The following SBF2 variants were observed in gnomAD, a reference collection of about 807,000 sequenced individuals.
SBF2 encodes the protein myotubularin-related protein 13.
A neutral mutation model predicts 225.2 loss-of-function variants in SBF2; 112 were observed. The observed-to-expected ratio is 0.50, with a 90% CI of 0.43 to 0.58. The LOEUF is 0.58. Ranked by LOEUF, SBF2 falls within the 20% of genes least tolerant of loss-of-function variation. SBF2 has a pLI of 0.00. For missense variants in SBF2, 1,996 were observed against 2,206.2 expected (o/e 0.90, Z 1.91); for synonymous variants, 763 against 773.3 (o/e 0.99, Z 0.22).
At chr11:10,228,328 G>A (rs918994303) in intron 1 of SBF2, among the ~76,000 whole-genome samples, 7 of 152,230 alleles carry the variant, frequency 4.6e-5, no homozygotes, top group East Asian at 1.9e-4. Context: ...TCTCCTGCCT[G>A]ATTGCCCTGG....
intron 2 of SBF2, among the ~76,000 whole-genome samples, chr11:10,043,183 G>A (rs1949721645): frequency 6.6e-6 from 1 of 152,090 alleles, no homozygotes; most frequent in Non-Finnish European, 1.5e-5. Flanking sequence ...ATTTCATGAA[G>A]ATAGCCTCGA....
At chr11:9,978,232 TTAACTTTATAAAG>T (rs1946786386) in intron 13 of SBF2, among the ~76,000 whole-genome samples, 1 of 152,234 alleles carries the variant, frequency 6.6e-6, no homozygotes, top group Non-Finnish European at 1.5e-5. Context: ...GTTCTGTTTT[TTAACTTTATAAAG>T]TATTTACTTC....
intron 35 of SBF2, 156 bp from the exon 36 acceptor site, chr11:9,787,894 G>GA (rs1852479732): frequency 4.4e-6 from 3 of 680,330 alleles, no homozygotes; most frequent in South Asian, 3.3e-5. Flanking sequence ...TCCCAGCCAG[G>GA]AATAGTGGTG....
chr11:9,933,959 T>C (rs970878814), intron 16 of SBF2, among the ~76,000 whole-genome samples: 20 of 151,532 alleles, frequency 1.3e-4, no homozygotes, highest in African/African-American at 4.6e-4. Flanking sequence ...ACAGATGCAA[T>C]AAAAAAATGC....
intron 1 of SBF2, among the ~76,000 whole-genome samples, chr11:10,225,948 A>G (rs1378523594): frequency 6.6e-6 from 1 of 152,190 alleles, no homozygotes; most frequent in Non-Finnish European, 1.5e-5. Context: ...AAAAATATTC[A>G]TGCCTTTTAA....
chr11:10,040,537 G>T (rs909697806), intron 3 of SBF2, among the ~76,000 whole-genome samples: 1 of 151,838 alleles, frequency 6.6e-6, no homozygotes, highest in Non-Finnish European at 1.5e-5. Context: ...AATATATGTA[G>T]TATGTACTAG....
At chr11:10,016,290 A>G (rs1268788210) in intron 6 of SBF2, among the ~76,000 whole-genome samples, 1 of 152,066 alleles carries the variant, frequency 6.6e-6, no homozygotes, top group Non-Finnish European at 1.5e-5. Flanking sequence ...ATGCTATACT[A>G]TATTTACTGA....
intron 2 of SBF2, among the ~76,000 whole-genome samples, chr11:10,145,967 A>T (rs1954865728): frequency 6.6e-6 from 1 of 152,198 alleles, no homozygotes; most frequent in African/African-American, 2.4e-5. Flanking sequence ...ATGCAGTTCC[A>T]TTCACAATTG....
intron 1 of SBF2, among the ~76,000 whole-genome samples, chr11:10,212,770 G>T (rs117921392): frequency 1.3e-5 from 2 of 152,128 alleles, no homozygotes; most frequent in Admixed American, 1.3e-4. Flanking sequence ...TGTTACTCGC[G>T]GCAGGGCGCG....
chr11:10,104,805 G>C (rs1952479576), intron 2 of SBF2, among the ~76,000 whole-genome samples: 1 of 152,066 alleles, frequency 6.6e-6, no homozygotes, highest in South Asian at 2.1e-4. Context: ...TTTGCTATAT[G>C]ACCTTAGGAC....
chr11:9,994,193 G>C (rs537420042), intron 9 of SBF2, among the ~76,000 whole-genome samples, 195 bp from the exon 10 acceptor site: 4 of 152,098 alleles, frequency 2.6e-5, no homozygotes, highest in Admixed American at 2.0e-4. Flanking sequence ...AAACATGTTC[G>C]GCCGGGCGCG....
At chr11:10,082,548 G>C (rs1185308778) in intron 2 of SBF2, among the ~76,000 whole-genome samples, 1 of 152,054 alleles carries the variant, frequency 6.6e-6, no homozygotes, top group Non-Finnish European at 1.5e-5. Context: ...TGATCAAGTA[G>C]GTTTTATTCC....
chr11:9,882,613 C>G (rs565692707), intron 17 of SBF2, among the ~76,000 whole-genome samples: 1 of 152,056 alleles, frequency 6.6e-6, no homozygotes, highest in East Asian at 1.9e-4. Context: ...TCGAGACCAT[C>G]CTGGCTAACA....
chr11:10,140,732 G>GA (rs1954604121), intron 2 of SBF2, among the ~76,000 whole-genome samples: 1 of 152,138 alleles, frequency 6.6e-6, no homozygotes, highest in Non-Finnish European at 1.5e-5. Context: ...AGTGGCATTT[G>GA]AAGTGGGGAG....
chr11:10,003,849 C>G (rs997081144), intron 6 of SBF2, among the ~76,000 whole-genome samples: 1 of 151,960 alleles, frequency 6.6e-6, no homozygotes, highest in African/African-American at 2.4e-5. Context: ...TTATTTTCTC[C>G]TGTTTATTAC....
At chr11:10,171,403 G>A (rs867771638) in intron 2 of SBF2, among the ~76,000 whole-genome samples, 4 of 152,106 alleles carry the variant, frequency 2.6e-5, no homozygotes, top group African/African-American at 4.8e-5. Context: ...ATGATCACAC[G>A]GTTTTTGTAC....
At chr11:9,990,517 A>G (rs1947382011) in intron 12 of SBF2, among the ~76,000 whole-genome samples, 1 of 152,200 alleles carries the variant, frequency 6.6e-6, no homozygotes, top group Non-Finnish European at 1.5e-5. Context: ...CAAACGGCCA[A>G]AGAGGGTAGA....
intron 2 of SBF2, among the ~76,000 whole-genome samples, chr11:10,109,454 G>A (rs993365769): frequency 1.3e-5 from 2 of 152,110 alleles, no homozygotes; most frequent in African/African-American, 4.8e-5. Context: ...TTTTTAGCTC[G>A]CATGCTTCTT....
chr11:9,932,957 CAAAAAA>C (rs574177096), intron 16 of SBF2, among the ~76,000 whole-genome samples: 2 of 58,744 alleles, frequency 3.4e-5, no homozygotes, highest in African/African-American at 1.1e-4. Flanking sequence ...AAACGAAAAG[CAAAAAA>C]AAAAAAAAAA....
Sources: gnomAD v4.1 joint callset for allele counts (sites outside exome capture counted in the v4.1 genomes callset) on GRCh38, gnomAD v4.1.1 for gene constraint, MANE v1.5 for transcripts, NCBI Gene and HGNC (gene_info 2026-07-23, HGNC 2026-07-21) for gene names.